The following VRTN variants were observed in gnomAD, a reference collection of about 807,000 sequenced individuals.
VRTN encodes vertnin.
VRTN carries 5 observed loss-of-function variants against 18.2 expected under a neutral mutation model. The ratio of observed to expected loss-of-function variants is 0.27; its 90% CI spans 0.14 to 0.58. The LOEUF (loss-of-function observed/expected upper bound fraction) is 0.58, where lower values mean the gene tolerates loss of function less well. Ranked by LOEUF, VRTN falls within the 20% of genes least tolerant of loss-of-function variation. VRTN has a pLI of 0.91. For synonymous variants in VRTN, 381 were observed against 393.7 expected (o/e 0.97, Z 0.38); for missense variants, 741 against 939.4 (o/e 0.79, Z 2.76).
intron 2 of VRTN, among the ~76,000 whole-genome samples, chr14:74,340,355 A>T (rs953081109): frequency 6.6e-6 from 1 of 151,316 alleles, no homozygotes; most frequent in South Asian, 2.1e-4. Context: ...CAGGTGATCC[A>T]CCCACCTCGG....
intron 2 of VRTN, among the ~76,000 whole-genome samples, chr14:74,341,984 G>C (rs1329891664): frequency 1.3e-5 from 2 of 151,902 alleles, no homozygotes; most frequent in African/African-American, 4.8e-5. Flanking sequence ...TAATAACCAG[G>C]CCCTTAATTT....
intron 1 of VRTN, among the ~76,000 whole-genome samples, chr14:74,349,077 T>C (rs923411476): frequency 2.0e-5 from 3 of 152,180 alleles, no homozygotes; most frequent in African/African-American, 7.2e-5. Context: ...CTGCTTCCCC[T>C]TGTGGGCTGC....
Position 74,314,095 on chromosome 14 carries a change from T to C in VRTN, c.-164+10919T>C, listed in dbSNP as rs374873377. On this transcript the variant is annotated intron_variant, in intron 1 of 2. Transcript: ENST00000557177. ...CACCACTCCTATAACAAAAGACTGA[T>C]TAACAAGAGAAAAGCATAAGCAATT... 4.6e-5 allele frequency among the ~76,000 whole-genome samples: 7 copies of C among 152,308 alleles called. No individual in the cohort carries two copies. The East Asian group carries it at 1.2e-3, about 25-fold the overall frequency.
At chr14:74,352,499 A>G (rs1201759715) in intron 1 of VRTN, among the ~76,000 whole-genome samples, 2 of 152,042 alleles carry the variant, frequency 1.3e-5, no homozygotes, top group African/African-American at 4.8e-5. Flanking sequence ...TTTTTAAAAC[A>G]TTTTTACTAA....
upstream of VRTN, among the ~76,000 whole-genome samples, chr14:74,344,750 A>AAAAAAAAAGG (rs1410658975): frequency 7.8e-6 from 1 of 128,058 alleles, no homozygotes; most frequent in Non-Finnish European, 1.6e-5. Context: ...AAAAAAAATG[A>AAAAAAAAAGG]AAAAAAGAAA....
chr14:74,329,228 T>C (rs1298620811), intron 1 of VRTN, among the ~76,000 whole-genome samples: 1 of 149,940 alleles, frequency 6.7e-6, no homozygotes, highest in Non-Finnish European at 1.5e-5. Context: ...TGAGCCAAGA[T>C]CATGCCACTG....
intron 1 of VRTN, among the ~76,000 whole-genome samples, chr14:74,329,640 G>A (rs758185055): frequency 8.0e-5 from 12 of 150,170 alleles, no homozygotes; most frequent in Non-Finnish European, 1.2e-4. Context: ...GTGCAGTGGC[G>A]TGATCTCGGC....
chr14:74,345,919 C>T (rs1445684158), upstream of VRTN, among the ~76,000 whole-genome samples: 4 of 137,966 alleles, frequency 2.9e-5, no homozygotes, highest in South Asian at 2.3e-4. Context: ...AGCAAGACTC[C>T]ATCTCCAAAA....
chr14:74,320,561 CTCTTTTTTTTTTTTT>C (rs2140196399), intron 1 of VRTN, among the ~76,000 whole-genome samples: 1 of 91,558 alleles, frequency 1.1e-5, no homozygotes, highest in East Asian at 2.8e-4. Context: ...TGCGCCCGGC[CTCTTTTTTTTTTTTT>C]TTTTTTTTTT....
At chr14:74,311,856 C>A (rs905280333) in intron 1 of VRTN, among the ~76,000 whole-genome samples, 1 of 151,774 alleles carries the variant, frequency 6.6e-6, no homozygotes, top group East Asian at 1.9e-4. Flanking sequence ...GTCACCTCTG[C>A]TTTCCTGGTT....
intron 1 of VRTN, among the ~76,000 whole-genome samples, chr14:74,309,154 C>T (rs925384125): frequency 3.9e-5 from 6 of 152,118 alleles, no homozygotes; most frequent in Non-Finnish European, 8.8e-5. Context: ...TTTTCCTAAC[C>T]ACCCTTTATT....
Position 74,357,838 on chromosome 14 carries a change from A to G in VRTN, c.1055A>G (p.His352Arg), listed in dbSNP as rs1345119866. Residue 352 changes from histidine (H) to arginine (R), a missense_variant, in exon 2 of 2, where the codon CAT becomes CGT. Physicochemically the swap from His to Arg is conservative, Grantham distance 29 (BLOSUM62 0). Coordinates refer to ENST00000256362, the MANE Select transcript of VRTN (RefSeq NM_018228.3). The surrounding 1 kb of genome is among the most constrained non-coding windows in gnomAD (Gnocchi z 7.8). ...CGCTCAACCTACTATGCCTGGAAGC[A>G]TGAGCTGCTGGGCTCTGGCACCTGC... ...ISRSTYYAWK[H>R]ELLGSGTCPA... 6.2e-7 allele frequency: 1 copy of G among 1,613,730 alleles called. No homozygotes were observed. The highest frequency in any genetic ancestry group is 1.1e-5 in the South Asian group (1 of 91,076).
At chr14:74,304,215 G>A (rs1451800191) in intron 1 of VRTN, among the ~76,000 whole-genome samples, 1 of 151,636 alleles carries the variant, frequency 6.6e-6, no homozygotes, top group East Asian at 1.9e-4. Context: ...GGAGTGCAAT[G>A]GTGCTATCTT....
At chr14:74,315,949 C>G (rs1032289785) in intron 1 of VRTN, among the ~76,000 whole-genome samples, 3 of 152,190 alleles carry the variant, frequency 2.0e-5, no homozygotes, top group Non-Finnish European at 4.4e-5. Context: ...CTTTCTACCC[C>G]ACCCCAATCA....
intron 1 of VRTN, among the ~76,000 whole-genome samples, chr14:74,332,390 C>CTTTTTTTT (rs2085533732): frequency 1.0e-5 from 1 of 97,766 alleles, no homozygotes; most frequent in Non-Finnish European, 1.9e-5. Context: ...TGGAGTTTTG[C>CTTTTTTTT]TGTTGTTGCC....
intron 1 of VRTN, among the ~76,000 whole-genome samples, chr14:74,352,974 C>T (rs754993245): frequency 1.3e-5 from 2 of 152,132 alleles, no homozygotes; most frequent in African/African-American, 4.8e-5. Flanking sequence ...ATGGTTTGAA[C>T]AGGAGATGAA....
intron 2 of VRTN, among the ~76,000 whole-genome samples, chr14:74,342,512 CAT>C (rs1443750368): frequency 1.3e-5 from 2 of 151,674 alleles, no homozygotes; most frequent in East Asian, 1.9e-4. Context: ...TATGTGTGTG[CAT>C]ATATGTGTAC....
In VRTN at chr14:74,359,365, G is replaced by T. The variant is rs1230686131; in HGVS notation, c.*473G>T. Reference sequence around the variant, plus strand: ...TGGGGGTTGGCATCCTCTTTACTCAGTTGTTTCCCAAAGGAACATTAGGCT... The same window carrying T: ...TGGGGGTTGGCATCCTCTTTACTCATTTGTTTCCCAAAGGAACATTAGGCT... On this transcript the variant is annotated 3_prime_UTR_variant, in exon 2 of 2. Transcript: ENST00000256362. 5.9e-6 allele frequency: 1 copy of T among 169,522 alleles called. No individual in the cohort carries two copies. Among genetic ancestry groups the T allele is most frequent in the Non-Finnish European group, 1.4e-5 (1 of 69,836 alleles). 10.5% of individuals were successfully genotyped at this position (169,522 alleles called of 1,614,324 possible).
chr14:74,311,462 C>T (rs1215191762), intron 1 of VRTN, among the ~76,000 whole-genome samples: 2 of 149,460 alleles, frequency 1.3e-5, no homozygotes, highest in Non-Finnish European at 3.0e-5. Context: ...ATTCTGTTGT[C>T]CAAGCTGGAG....
Sources: gnomAD v4.1 joint callset for allele counts (sites outside exome capture counted in the v4.1 genomes callset) on GRCh38, gnomAD v4.1.1 for gene constraint, Gnocchi (gnomAD v3.1) non-coding constraint, MANE v1.5 for transcripts, NCBI Gene and HGNC (gene_info 2026-07-23, HGNC 2026-07-21) for gene names.